KCNH1: variants seen among roughly 807,000 people sequenced by gnomAD.
KCNH1 encodes voltage-gated delayed rectifier potassium channel KCNH1.
KCNH1 carries 27 observed loss-of-function variants against 69.2 expected under a neutral mutation model. The ratio of observed to expected loss-of-function variants is 0.39; its 90% CI spans 0.29 to 0.54. The LOEUF (loss-of-function observed/expected upper bound fraction) is 0.54. Ranked by LOEUF, KCNH1 falls within the 20% of genes least tolerant of loss-of-function variation. The pLI is 0.68. For synonymous variants in KCNH1, 456 were observed against 487.7 expected (o/e 0.93, Z 0.86); for missense variants, 798 against 1,261.6 (o/e 0.63, Z 5.57).
intron 10 of KCNH1, among the ~76,000 whole-genome samples, chr1:210,692,824 A>C (rs1263728010): frequency 1.3e-5 from 2 of 152,234 alleles, no homozygotes; most frequent in African/African-American, 4.8e-5. Context: ...GAAGGAACCA[A>C]GGCAGTAGAC....
chr1:210,817,293 A>G (rs777613980), intron 7 of KCNH1, among the ~76,000 whole-genome samples: 13 of 152,194 alleles, frequency 8.5e-5, no homozygotes, highest in Non-Finnish European at 1.9e-4. Context: ...GTTGCTGAGG[A>G]CAAGTGACAA....
chr1:210,982,272 A>G (rs2062674), intron 6 of KCNH1, among the ~76,000 whole-genome samples: 23,698 of 151,680 alleles, frequency 0.16, 2,644 homozygotes, highest in African/African-American at 0.31. Flanking sequence ...TACATAAGTT[A>G]GGGTAATAAA....
At chr1:210,888,837 C>T (rs974120500) in intron 7 of KCNH1, among the ~76,000 whole-genome samples, 1 of 152,148 alleles carries the variant, frequency 6.6e-6, no homozygotes, top group Non-Finnish European at 1.5e-5. Context: ...CATATACCCC[C>T]CCAAGACTAA....
chr1:210,683,935 A>G lies in KCNH1; in HGVS notation c.2316T>C (p.Leu772=), dbSNP rs776594907. 1.9e-6 allele frequency: 3 copies of G among 1,610,468 alleles called. No individual in the cohort carries two copies. Among genetic ancestry groups the G allele is most frequent in the African/African-American group, 2.7e-5 (2 of 74,814 alleles). The change falls in exon 11 of 11, where the codon CTT becomes CTC. Residue 772 remains leucine, a synonymous_variant. Transcript: ENST00000271751. The surrounding 1 kb of genome is among the most constrained non-coding windows in gnomAD (Gnocchi z 5.7). ...DDLDVEKGNV[L]TEHASANHSL... ...TGTGGTTGGCGGAGGCATGCTCTGT[A>G]AGGACATTGCCCTTCTCCACATCTA...
rs12134119 is a variant in KCNH1, at chr1:210,958,555, G to A, written c.1033-38486C>T. On this transcript the variant is annotated intron_variant, in intron 6 of 10. Transcript: ENST00000271751. Reference sequence around the variant, plus strand: ...TCACTTTCAGGTACACCAATCAAACGTAGATTTGGTCTTTTCACATAGTCC... The same window carrying A: ...TCACTTTCAGGTACACCAATCAAACATAGATTTGGTCTTTTCACATAGTCC... 3.7e-4 allele frequency among the ~76,000 whole-genome samples: 56 copies of A among 152,230 alleles called. 1 individual carries two copies. Among genetic ancestry groups the A allele is most frequent in the African/African-American group, 1.2e-3 (51 of 41,556 alleles).
intron 7 of KCNH1, among the ~76,000 whole-genome samples, chr1:210,867,432 A>C (rs1005622240): frequency 5.3e-5 from 8 of 151,694 alleles, no homozygotes; most frequent in African/African-American, 1.7e-4. Flanking sequence ...ATAGAAAACC[A>C]CCCACAGATA....
chr1:211,022,073 T>G (rs1377972737), intron 5 of KCNH1, among the ~76,000 whole-genome samples: 2 of 152,078 alleles, frequency 1.3e-5, no homozygotes, highest in Non-Finnish European at 2.9e-5. Flanking sequence ...TGACTTCAAA[T>G]TATACTACAG....
chr1:211,023,683 G>A (rs920906955), intron 5 of KCNH1, among the ~76,000 whole-genome samples: 9 of 152,004 alleles, frequency 5.9e-5, no homozygotes, highest in Non-Finnish European at 1.0e-4. Flanking sequence ...ATAGGGAAGC[G>A]TTGGTTAATT....
chr1:210,848,278 C>T (rs536427324), intron 7 of KCNH1, among the ~76,000 whole-genome samples: 72 of 152,280 alleles, frequency 4.7e-4, no homozygotes, highest in African/African-American at 1.7e-3. Flanking sequence ...TGATTTGACA[C>T]CAAGAATTGG....
At chr1:210,975,954 A>G (rs540875161) in intron 6 of KCNH1, among the ~76,000 whole-genome samples, 3 of 152,374 alleles carry the variant, frequency 2.0e-5, no homozygotes, top group South Asian at 4.1e-4. Flanking sequence ...ATGAACAGAC[A>G]CTTCTCAAAA....
chr1:211,112,501 T>TAAAAAAAAAAAAAAAAAAAA (rs74258707), intron 1 of KCNH1, among the ~76,000 whole-genome samples: 1 of 126,414 alleles, frequency 7.9e-6, no homozygotes, highest in Non-Finnish European at 1.8e-5. Flanking sequence ...ATTAAATAAA[T>TAAAAAAAAAAAAAAAAAAAA]AAAAAAAAAA....
intron 10 of KCNH1, among the ~76,000 whole-genome samples, chr1:210,696,027 C>T (rs11119575): frequency 0.37 from 55,985 of 152,098 alleles, 11,210 homozygotes; most frequent in South Asian, 0.52. Flanking sequence ...TCCCACTCTC[C>T]AGCAGTTTCT....
At chr1:210,995,375 A>C (rs1689010419) in intron 6 of KCNH1, among the ~76,000 whole-genome samples, 1 of 152,210 alleles carries the variant, frequency 6.6e-6, no homozygotes, top group Non-Finnish European at 1.5e-5. Context: ...TAAGCCACTA[A>C]ATTAACACAG....
In KCNH1 at chr1:210,804,114, C is replaced by T. The variant is rs2102406817; in HGVS notation, c.1515G>A (p.Met505Ile). 1.2e-6 allele frequency: 2 copies of T among 1,614,156 alleles called. No individual in the cohort carries two copies. The highest frequency in any genetic ancestry group is 8.5e-7 in the Non-Finnish European group (1 of 1,180,004). ...CATGGTATCTGTTGGTGTTGGCATA[C>T]ATCTGTTGGAAAATAGTCGTCACAT... Reference protein sequence around the residue: ...FGNVTTIFQQMYANTNRYHEM... With the variant: ...FGNVTTIFQQIYANTNRYHEM... The change falls in exon 8 of 11, where the codon ATG becomes ATA. Residue 505 changes from methionine to isoleucine, a missense_variant. Met to Ile is a conservative substitution (Grantham distance 10). Around this residue, in one of 4 missense-constraint regions of KCNH1, gnomAD observed 197 missense variants for 407.7 expected, o/e 0.48. Transcript: ENST00000271751.
intron 10 of KCNH1, among the ~76,000 whole-genome samples, chr1:210,748,161 G>A (rs1683203110): frequency 6.6e-6 from 1 of 152,192 alleles, no homozygotes; most frequent in Non-Finnish European, 1.5e-5. Context: ...GTCAGCAGGA[G>A]CCAGCAGGTC....
At chr1:210,917,943 T>C (rs1687382104) in intron 7 of KCNH1, among the ~76,000 whole-genome samples, 1 of 152,184 alleles carries the variant, frequency 6.6e-6, no homozygotes. Flanking sequence ...TAACACTGCT[T>C]CCCATGGCCA....
At chr1:210,712,009 G>A (rs903701602) in intron 10 of KCNH1, among the ~76,000 whole-genome samples, 5 of 152,124 alleles carry the variant, frequency 3.3e-5, no homozygotes, top group Admixed American at 2.0e-4. Flanking sequence ...GGGCCACATC[G>A]GCCACCAGGT....
intron 8 of KCNH1, among the ~76,000 whole-genome samples, chr1:210,798,079 T>A (rs1319510592): frequency 1.4e-5 from 2 of 142,252 alleles, no homozygotes; most frequent in African/African-American, 5.4e-5. Flanking sequence ...TTGCTCTGTC[T>A]CCCAGGCTGG....
At position 210,678,366 on chromosome 1, in the gene KCNH1, A is replaced by G. The variant is rs1681185291; in HGVS notation, c.*4915T>C. ...ATAAATAAAACTTTTTTTTTTTACA[A>G]ATATCATTTGTGCTTGTTTAAAAAT... On this transcript the variant is annotated 3_prime_UTR_variant, in exon 11 of 11. Coordinates refer to ENST00000271751, the MANE Select transcript of KCNH1 (RefSeq NM_172362.3). 6.6e-6 allele frequency: 1 copy of G among 152,138 alleles called. No individual in the cohort carries two copies. The highest frequency in any genetic ancestry group is 1.5e-5 in the Non-Finnish European group (1 of 68,036). 9.4% of individuals were successfully genotyped at this position (152,138 alleles called of 1,614,324 possible).
Sources: allele counts gnomAD v4.1 joint callset (sites outside exome capture counted in the v4.1 genomes callset), GRCh38; gene constraint gnomAD v4.1.1; regional missense constraint gnomAD v4.1.1; non-coding constraint Gnocchi (gnomAD v3.1); transcripts MANE v1.5; gene names NCBI Gene and HGNC (gene_info 2026-07-23, HGNC 2026-07-21).